The following MBNL1 variants were observed in gnomAD, a reference collection of about 807,000 sequenced individuals.
MBNL1 encodes muscleblind-like protein 1.
MBNL1 carries 8 observed loss-of-function variants against 42.2 expected under a neutral mutation model. The ratio of observed to expected loss-of-function variants is 0.19; its 90% confidence interval spans 0.11 to 0.34. The LOEUF (loss-of-function observed/expected upper bound fraction) is 0.34. Among genes scored for constraint, MBNL1 ranks in the 10% least tolerant of loss-of-function variants. MBNL1 has a pLI of 1.00. For synonymous variants in MBNL1, 169 were observed against 173.9 expected (o/e 0.97, Z 0.22); for missense variants, 309 against 495.3 (o/e 0.62, Z 3.57).
chr3:152,384,952 T>A (rs2097345584), intron 2 of MBNL1, among the ~76,000 whole-genome samples: 1 of 152,072 alleles, frequency 6.6e-6, no homozygotes, highest in Admixed American at 6.6e-5. Context: ...TTCAGATAAT[T>A]ATTATTTATT....
intron 2 of MBNL1, among the ~76,000 whole-genome samples, chr3:152,335,614 A>G (rs1237102017): frequency 6.6e-6 from 1 of 150,920 alleles, no homozygotes; most frequent in African/African-American, 2.4e-5. Context: ...TTCAATTCTA[A>G]TTGAGCACCT....
At chr3:152,357,351 T>C (rs185805995) in intron 2 of MBNL1, among the ~76,000 whole-genome samples, 137 of 152,372 alleles carry the variant, frequency 9.0e-4, no homozygotes, top group Admixed American at 4.9e-3. Flanking sequence ...AATTTTCTTA[T>C]CGCTAAAACA....
intron 2 of MBNL1, among the ~76,000 whole-genome samples, chr3:152,349,194 G>C (rs180855370): frequency 6.6e-6 from 1 of 152,168 alleles, no homozygotes; most frequent in East Asian, 1.9e-4. Flanking sequence ...CAGGCACACT[G>C]TACATGTTTG....
intron 2 of MBNL1, among the ~76,000 whole-genome samples, chr3:152,336,055 G>A (rs2089867638): frequency 6.6e-6 from 1 of 152,074 alleles, no homozygotes; most frequent in Admixed American, 6.6e-5. Flanking sequence ...ATATAACTGT[G>A]AGCACATTCA....
intron 6 of MBNL1, among the ~76,000 whole-genome samples, chr3:152,453,051 A>G (rs1726646620): frequency 6.6e-6 from 1 of 151,576 alleles, no homozygotes; most frequent in Non-Finnish European, 1.5e-5. Flanking sequence ...TAAATTACTT[A>G]TAATTAATAA....
chr3:152,251,144 C>T (rs944809074), intron 2 of MBNL1, among the ~76,000 whole-genome samples: 12 of 152,208 alleles, frequency 7.9e-5, no homozygotes, highest in South Asian at 6.2e-4. Flanking sequence ...CTACTTTTAT[C>T]TAATATTTGT....
At chr3:152,353,470 C>T (rs2095259323) in intron 2 of MBNL1, among the ~76,000 whole-genome samples, 1 of 152,166 alleles carries the variant, frequency 6.6e-6, no homozygotes. Context: ...GACCAAGCCA[C>T]TAGGTGATTT....
intron 5 of MBNL1, among the ~76,000 whole-genome samples, chr3:152,446,164 C>T (rs1288644296): frequency 6.6e-6 from 1 of 151,684 alleles, no homozygotes; most frequent in African/African-American, 2.4e-5. Context: ...TTAAGAATAG[C>T]TACTAAACTA....
intron 9 of MBNL1, among the ~76,000 whole-genome samples, chr3:152,462,140 T>G (rs1009146468): frequency 3.3e-5 from 5 of 152,138 alleles, no homozygotes; most frequent in Non-Finnish European, 7.4e-5. Context: ...ACTTTTAGTT[T>G]AGGATTGGTA....
chr3:152,331,195 C>A (rs2084249753), intron 2 of MBNL1, among the ~76,000 whole-genome samples: 1 of 152,062 alleles, frequency 6.6e-6, no homozygotes, highest in African/African-American at 2.4e-5. Context: ...TACACACACA[C>A]ACATACACAC....
intron 2 of MBNL1, among the ~76,000 whole-genome samples, chr3:152,334,888 A>G (rs2088545062): frequency 6.6e-6 from 1 of 152,140 alleles, no homozygotes; most frequent in Non-Finnish European, 1.5e-5. Flanking sequence ...TGGGGAGCAG[A>G]TTTTCAGTAT....
At chr3:152,351,099 G>A (rs1359847631) in intron 2 of MBNL1, among the ~76,000 whole-genome samples, 3 of 151,472 alleles carry the variant, frequency 2.0e-5, no homozygotes, top group Non-Finnish European at 4.4e-5. Flanking sequence ...TCCTGTTTTT[G>A]GTTAATAAAG....
intron 2 of MBNL1, among the ~76,000 whole-genome samples, chr3:152,400,950 A>G (rs2098191249): frequency 6.6e-6 from 1 of 152,252 alleles, no homozygotes; most frequent in Admixed American, 6.5e-5. Flanking sequence ...TGTGGTCTTC[A>G]GAGTAGCCAT....
upstream of MBNL1, chr3:152,267,803 T>C (rs2037650329): frequency 6.6e-6 from 1 of 152,140 alleles, no homozygotes; most frequent in Non-Finnish European, 1.5e-5. Context: ...TTTCTGATGT[T>C]TTTCCTTCAC....
intron 2 of MBNL1, among the ~76,000 whole-genome samples, chr3:152,361,360 G>A (rs2095931193): frequency 6.6e-6 from 1 of 151,696 alleles, no homozygotes; most frequent in Non-Finnish European, 1.5e-5. Flanking sequence ...AGATCTTTCT[G>A]TGTAGTTCCA....
intron 2 of MBNL1, among the ~76,000 whole-genome samples, chr3:152,367,497 A>G (rs150545084): frequency 1.3e-5 from 2 of 152,316 alleles, no homozygotes; most frequent in African/African-American, 4.8e-5. Context: ...ATACGTGTTC[A>G]TGTGTCTTTA....
intron 2 of MBNL1, among the ~76,000 whole-genome samples, chr3:152,351,314 T>C (rs767365208): frequency 6.6e-6 from 1 of 152,184 alleles, no homozygotes; most frequent in Admixed American, 6.5e-5. Flanking sequence ...GTCATTATAT[T>C]TTGTCTGATC....
chr3:152,350,223 T>C (rs1405104030), intron 2 of MBNL1, among the ~76,000 whole-genome samples: 1 of 152,076 alleles, frequency 6.6e-6, no homozygotes, highest in Non-Finnish European at 1.5e-5. Context: ...ATTCAGAAAG[T>C]AACTAGTTAT....
chr3:152,455,415 C>G, intron 6 of MBNL1, 127 bp from the exon 7 acceptor site: 1 of 743,362 alleles, frequency 1.3e-6, no homozygotes, highest in Non-Finnish European at 2.4e-6. Flanking sequence ...CAGTTACATG[C>G]CACTGTTCCC....
Sources: gnomAD v4.1 joint callset for allele counts (sites outside exome capture counted in the v4.1 genomes callset) on GRCh38, gnomAD v4.1.1 for gene constraint, MANE v1.5 for transcripts, NCBI Gene and HGNC (gene_info 2026-07-23, HGNC 2026-07-21) for gene names.